The following RELT variants were observed in gnomAD, a reference collection of about 807,000 sequenced individuals.
RELT encodes the protein tumor necrosis factor receptor superfamily member 19L.
Under a neutral mutation model 51.1 loss-of-function variants are expected in RELT, and 37 were observed. The observed-to-expected ratio is 0.72, with a 90% CI of 0.56 to 0.95. RELT has a LOEUF of 0.95. RELT is among the 40% of genes least tolerant of loss of function. The pLI, the probability that RELT is intolerant of heterozygous loss-of-function variation, is 0.00. For missense variants in RELT, 535 were observed against 572.6 expected (o/e 0.93, Z 0.67); for synonymous variants, 241 against 235.7 (o/e 1.02, Z -0.21).
intron 1 of RELT, among the ~76,000 whole-genome samples, chr11:73,382,848 CT>C (rs1866070121): frequency 6.6e-6 from 1 of 152,238 alleles, no homozygotes; most frequent in African/African-American, 2.4e-5. Context: ...CATCCCTCCT[CT>C]AGCCCCAGAC....
intron 5 of RELT, 32 bp downstream of exon 5, chr11:73,391,255 AG>A (rs1224290203): frequency 6.3e-7 from 1 of 1,598,092 alleles, no homozygotes; most frequent in East Asian, 2.2e-5. Context: ...GGACTGGTGC[AG>A]GGGTATGTGC....
Position 73,395,829 on chromosome 11 carries a change from G to A in RELT, c.*338G>A. 1 of 440,432 alleles carries A rather than the reference G, an allele frequency of 2.3e-6. No individual in the cohort carries two copies. The highest frequency in any genetic ancestry group is 4.2e-5 in the East Asian group (1 of 23,696). The allele number at this position is 440,432 out of a possible 1,614,324, so 27.3% of individuals were successfully genotyped here. ...AGAGGCTGGGCTTGGCAGAGGGGAGGGGCCTGTGCCCGTCACCCCTGGCCC... is the reference window on the plus strand; with the variant it reads ...AGAGGCTGGGCTTGGCAGAGGGGAGAGGCCTGTGCCCGTCACCCCTGGCCC... On this transcript the variant is annotated 3_prime_UTR_variant, in exon 11 of 11. Transcript: ENST00000064780.
chr11:73,393,476 T>A, intron 6 of RELT: 1 of 1,220,466 alleles, frequency 8.2e-7, no homozygotes, highest in African/African-American at 1.6e-5. Flanking sequence ...TTTGGGGAGT[T>A]CTGGGTAGGG....
At chr11:73,392,906 T>C (rs2134453783) in intron 6 of RELT, 1 of 1,028,432 alleles carries the variant, frequency 9.7e-7, no homozygotes, top group East Asian at 8.6e-5. Context: ...GCTCGGGTTT[T>C]GGTTCCAGGC....
At chr11:73,387,128 AG>A (rs1214855152) in intron 1 of RELT, among the ~76,000 whole-genome samples, 1 of 152,082 alleles carries the variant, frequency 6.6e-6, no homozygotes, top group Non-Finnish European at 1.5e-5. Context: ...TATTTTTACT[AG>A]AGACGGGGTT....
At position 73,396,763 on chromosome 11, in the gene RELT, A is replaced by G. The variant is rs1016142113; in HGVS notation, c.*1272A>G. The G allele has an allele frequency of 6.6e-6, 1 of 152,200 alleles. No homozygotes were observed. The highest frequency in any genetic ancestry group is 1.5e-5 in the Non-Finnish European group (1 of 68,084). The allele number at this position is 152,200 out of a possible 1,614,324, so 9.4% of individuals were successfully genotyped here. ...GCTGCCCTCCCCTCACAGTTCCTGCACCTCAGCAGCCAGGGAAGCAGGGCC... is the reference window on the plus strand; with the variant it reads ...GCTGCCCTCCCCTCACAGTTCCTGCGCCTCAGCAGCCAGGGAAGCAGGGCC... On this transcript the variant is annotated 3_prime_UTR_variant, in exon 11 of 11. Coordinates refer to ENST00000064780, the MANE Select transcript of RELT (RefSeq NM_152222.2).
Position 73,394,399 on chromosome 11 carries a change from C to G in RELT, c.789-78C>G, listed in dbSNP as rs562245751. The G allele has an allele frequency of 2.3e-4, 378 of 1,609,848 alleles. No homozygotes were observed. Among genetic ancestry groups the G allele is most frequent in the Middle Eastern group, 1.7e-3 (10 of 5,794 alleles). ...CTGGGGATCTCCCACTTGGGTCTCCCTCAAGTCACCCTGTTCCCTGCTGGG... is the reference window on the plus strand; with the variant it reads ...CTGGGGATCTCCCACTTGGGTCTCCGTCAAGTCACCCTGTTCCCTGCTGGG... On this transcript the variant is annotated intron_variant, in intron 8 of 10. Coordinates refer to ENST00000064780, the MANE Select transcript of RELT (RefSeq NM_152222.2). This position sits in a 1 kb window ranked among gnomAD's most constrained non-coding sequence, Gnocchi z 4.9.
In RELT at chr11:73,390,786, G is replaced by GC. The variant is rs775180396; in HGVS notation, c.158dup (p.Gly54ArgfsTer69). On this transcript the variant is annotated frameshift_variant, in exon 4 of 11. Coordinates refer to ENST00000064780, the MANE Select transcript of RELT (RefSeq NM_152222.2). LOFTEE classifies it high-confidence loss of function. ...GGGCAGGGCACATTATGCAGGCCCT[G>GC]CCCCCCAGGCACCTTCTCAGCTGCA... 5 of 1,610,162 alleles carry GC rather than the reference G, an allele frequency of 3.1e-6. No individual in the cohort carries two copies. Among genetic ancestry groups the GC allele is most frequent in the South Asian group, 1.1e-5 (1 of 90,806 alleles).
At chr11:73,389,275 C>G (rs11826909) in intron 2 of RELT, 94 bp downstream of exon 2, 214,255 of 869,966 alleles carry the variant, frequency 0.25, 31,996 homozygotes, top group African/African-American at 0.6. Flanking sequence ...GGGGAACCCC[C>G]TGCTGGGCAG....
At chr11:73,391,587 C>T (rs1016000508) in intron 5 of RELT, among the ~76,000 whole-genome samples, 2 of 152,174 alleles carry the variant, frequency 1.3e-5, no homozygotes, top group Non-Finnish European at 2.9e-5. Context: ...AGGAGGATCA[C>T]TTTGAGACCA....
chr11:73,395,110 A>T lies in RELT; in HGVS notation c.1070A>T (p.Glu357Val), dbSNP rs1167773997. 6.2e-7 allele frequency: 1 copy of T among 1,613,518 alleles called. No individual in the cohort carries two copies. The highest frequency in any genetic ancestry group is 8.5e-7 in the Non-Finnish European group (1 of 1,179,980). The change falls in exon 10 of 11, where the codon GAG becomes GTG. Residue 357 changes from glutamate (E) to valine (V), a missense_variant. Physicochemically the swap from Glu to Val is moderately radical, Grantham distance 121 (BLOSUM62 -2). Coordinates refer to ENST00000064780, the MANE Select transcript of RELT (RefSeq NM_152222.2). ...AGGTTCCGCGTGGCTCGAATTCCTG[A>T]GCAGCGGACAAGTTCAATGGTGTCT... ...VGRFRVARIPEQRTSSMVSEV... is the reference protein window; with the variant it reads ...VGRFRVARIPVQRTSSMVSEV...
At chr11:73,387,896 G>A (rs961154304) in intron 1 of RELT, among the ~76,000 whole-genome samples, 4 of 152,194 alleles carry the variant, frequency 2.6e-5, no homozygotes, top group Middle Eastern at 3.2e-3. Context: ...GGGTTCCCAG[G>A]CTGCCCCTGG....
At chr11:73,378,290 T>C (rs887582252) in intron 1 of RELT, among the ~76,000 whole-genome samples, 1 of 151,962 alleles carries the variant, frequency 6.6e-6, no homozygotes, top group Non-Finnish European at 1.5e-5. Context: ...ATCTGGAAGT[T>C]CTGTCTTCTG....
At chr11:73,377,574 G>T (rs1245471875) in intron 1 of RELT, among the ~76,000 whole-genome samples, 4 of 151,780 alleles carry the variant, frequency 2.6e-5, no homozygotes, top group African/African-American at 7.3e-5. Flanking sequence ...GCTTCCCCCC[G>T]CCCACCTGCA....
At chr11:73,382,413 A>G (rs1181173785) in intron 1 of RELT, among the ~76,000 whole-genome samples, 1 of 152,180 alleles carries the variant, frequency 6.6e-6, no homozygotes, top group Non-Finnish European at 1.5e-5. Context: ...CAGGTGGCAA[A>G]GGTGGCTTCT....
chr11:73,394,790 G>C lies in RELT; in HGVS notation c.1046+56G>C. 1 of 1,569,812 alleles carries C rather than the reference G, an allele frequency of 6.4e-7. No homozygotes were observed. The highest frequency in any genetic ancestry group is 8.6e-7 in the Non-Finnish European group (1 of 1,160,258). On this transcript the variant is annotated intron_variant, in intron 9 of 10. Transcript: ENST00000064780. The surrounding 1 kb of genome is among the most constrained non-coding windows in gnomAD (Gnocchi z 4.9). Reference sequence around the variant, plus strand: ...GTAAAGACGTGACAGCCTGGGGGCCGGGAGGGGGAGGCAGGGCCCCAGCTT... The same window carrying C: ...GTAAAGACGTGACAGCCTGGGGGCCCGGAGGGGGAGGCAGGGCCCCAGCTT...
In RELT at chr11:73,395,209, C is replaced by G. The variant is rs746328119; in HGVS notation, c.1169C>G (p.Pro390Arg). The G allele has an allele frequency of 6.2e-6, 10 of 1,613,106 alleles. No homozygotes were observed. The African/African-American group carries it at 8.0e-5, about 13-fold the overall frequency. The stretch of plus-strand genomic sequence containing the variant: ...GACTCCCCACAGCCTGGCCTCCCCC[C>G]TGAGCAGCAGGCCCTGCTAGGAAGT... The part of the protein sequence containing the change: ...LPDSPQPGLP[P>R]EQQALLGSGG... The change falls in exon 10 of 11, where the codon CCT becomes CGT. Residue 390 changes from proline to arginine, a missense_variant. Coordinates refer to ENST00000064780, the MANE Select transcript of RELT (RefSeq NM_152222.2).
chr11:73,391,171 C>T lies in RELT; in HGVS notation c.315C>T (p.Arg105=), dbSNP rs146023545. The change falls in exon 5 of 11, where the codon CGC becomes CGT. Residue 105 remains arginine, a synonymous_variant. Transcript: ENST00000064780. ...GGTTTGGGCCTTGGGGGGTTCCCCG[C>T]GTTCCATGTCAACCATGTTCCTGGG... The part of the protein sequence containing the change: ...PGWFGPWGVP[R]VPCQPCSWAP... 222 of 1,613,906 alleles carry T rather than the reference C, an allele frequency of 1.4e-4. 1 individual carries two copies. The East Asian group carries it at 2.6e-3, about 19-fold the overall frequency.
rs1393266803 is a variant in RELT at position 73,388,740 on chromosome 11, G to T, written c.-25-372G>T. Reference sequence around the variant, plus strand: ...TGGAGGCCGGGCTGGGGTGTTGGGTGTTGGTTGCAACCCTGTCATCACGGA... The same window carrying T: ...TGGAGGCCGGGCTGGGGTGTTGGGTTTTGGTTGCAACCCTGTCATCACGGA... On this transcript the variant is annotated intron_variant, in intron 1 of 10. Transcript: ENST00000064780. The surrounding 1 kb of genome is among the most constrained non-coding windows in gnomAD (Gnocchi z 4.1). 6.6e-6 allele frequency among the ~76,000 whole-genome samples: 1 copy of T among 152,218 alleles called. No homozygotes were observed. Among genetic ancestry groups the T allele is most frequent in the Non-Finnish European group, 1.5e-5 (1 of 68,034 alleles).
Sources: allele counts gnomAD v4.1 joint callset (sites outside exome capture counted in the v4.1 genomes callset), GRCh38; gene constraint gnomAD v4.1.1; non-coding constraint Gnocchi (gnomAD v3.1); transcripts MANE v1.5; gene names NCBI Gene and HGNC (gene_info 2026-07-23, HGNC 2026-07-21).